The following TMEM135 variants were observed in gnomAD, a reference collection of about 807,000 sequenced individuals.
TMEM135 encodes transmembrane protein 135, also known as peroxisomal membrane protein 52.
TMEM135 carries 30 observed loss-of-function variants against 60.3 expected under a neutral mutation model. The observed-to-expected ratio is 0.50, with a 90% confidence interval of 0.37 to 0.68. The LOEUF (loss-of-function observed/expected upper bound fraction) is 0.68. Ranked by LOEUF, TMEM135 falls within the 30% of genes least tolerant of loss-of-function variation. The pLI is 0.00. For synonymous variants in TMEM135, 190 were observed against 186.7 expected, an observed-to-expected ratio of 1.02 and a Z score of -0.14; for missense variants, 468 against 548.8, an observed-to-expected ratio of 0.85 and a Z score of 1.47.
chr11:87,089,032 T>A (rs73519237), intron 3 of TMEM135, among the ~76,000 whole-genome samples: 14,277 of 152,174 alleles, frequency 0.094, 704 homozygotes, highest in African/African-American at 0.1. Flanking sequence ...TGTATTTAGG[T>A]TGGTGCAAAA....
intron 12 of TMEM135, among the ~76,000 whole-genome samples, chr11:87,314,952 C>G (rs1387621105): frequency 2.0e-5 from 3 of 151,808 alleles, no homozygotes; most frequent in Non-Finnish European, 4.4e-5. Context: ...AACAAATCAA[C>G]AATACCACAG....
chr11:87,327,569 A>G lies in TMEM135; in HGVS notation c.*6236A>G, dbSNP rs970076271. The G allele has an allele frequency of 4.7e-5, 21 of 451,590 alleles. No homozygotes were observed. Among genetic ancestry groups the G allele is most frequent in the African/African-American group, 4.2e-4 (21 of 49,786 alleles). 28.0% of individuals were successfully genotyped at this position (451,590 alleles called of 1,614,324 possible). ...GAGGGATAGAGAGAGACACAGAGAG[A>G]GATATGAGAGGGGATTAAGGGAGTT... On this transcript the variant is annotated 3_prime_UTR_variant, in exon 15 of 15. Transcript: ENST00000305494.
intron 5 of TMEM135, among the ~76,000 whole-genome samples, chr11:87,193,315 A>C (rs534910310): frequency 1.3e-5 from 2 of 152,304 alleles, no homozygotes; most frequent in African/African-American, 4.8e-5. Flanking sequence ...CTTGAAAATT[A>C]TAAGACAAAT....
chr11:87,325,777 T>A lies in TMEM135; in HGVS notation c.*4444T>A. Reference sequence around the variant, plus strand: ...AATTGCACAGATATGGAAGGAGATGTTTCTCTGTATGTGAAGCCTTTAAAT... The same window carrying A: ...AATTGCACAGATATGGAAGGAGATGATTCTCTGTATGTGAAGCCTTTAAAT... On this transcript the variant is annotated 3_prime_UTR_variant, in exon 15 of 15. Coordinates refer to ENST00000305494, the MANE Select transcript of TMEM135 (RefSeq NM_022918.4). 1 of 454,002 alleles carries A rather than the reference T, an allele frequency of 2.2e-6. No homozygotes were observed. Among genetic ancestry groups the A allele is most frequent in the Non-Finnish European group, 4.4e-6 (1 of 226,776 alleles). The allele number at this position is 454,002 out of a possible 1,614,324, so 28.1% of individuals were successfully genotyped here. A position where few individuals can be genotyped will look rare whatever the true frequency, so the allele number is the denominator to read the frequency against.
At chr11:87,065,352 T>C (rs1427294673) in intron 1 of TMEM135, among the ~76,000 whole-genome samples, 1 of 152,226 alleles carries the variant, frequency 6.6e-6, no homozygotes, top group Non-Finnish European at 1.5e-5. Flanking sequence ...CTTCCAACAT[T>C]TGATGTTGTC....
At position 87,323,309 on chromosome 11, in the gene TMEM135, GT is replaced by G. The variant is rs1188760691; in HGVS notation, c.*1977del. On this transcript the variant is annotated 3_prime_UTR_variant, in exon 15 of 15. Transcript: ENST00000305494. ...CATGAAGCAGAATACAATGATGAATGTATAGGTTGAGTGAATAACCAATTTG... is the reference window on the plus strand; with the variant it reads ...CATGAAGCAGAATACAATGATGAATGATAGGTTGAGTGAATAACCAATTTG... The G allele has an allele frequency of 2.2e-6, 1 of 453,872 alleles. No homozygotes were observed. Among genetic ancestry groups the G allele is most frequent in the African/African-American group, 2.0e-5 (1 of 50,000 alleles). 28.1% of individuals were successfully genotyped at this position (453,872 alleles called of 1,614,324 possible). A position where few individuals can be genotyped will look rare whatever the true frequency, so the allele number is the denominator to read the frequency against.
intron 3 of TMEM135, among the ~76,000 whole-genome samples, chr11:87,088,042 T>C (rs1467970801): frequency 6.6e-6 from 1 of 152,146 alleles, no homozygotes; most frequent in Non-Finnish European, 1.5e-5. Flanking sequence ...CTGGTTCAGA[T>C]GAGACTTTTT....
chr11:87,085,139 G>A (rs1030885512), intron 3 of TMEM135, among the ~76,000 whole-genome samples: 1 of 152,188 alleles, frequency 6.6e-6, no homozygotes, highest in Non-Finnish European at 1.5e-5. Context: ...GTCTGATATA[G>A]TACAGTTATA....
intron 6 of TMEM135, among the ~76,000 whole-genome samples, chr11:87,272,566 G>C (rs1941890755): frequency 6.6e-6 from 1 of 152,024 alleles, no homozygotes; most frequent in South Asian, 2.1e-4. Context: ...GCTCAAGTGA[G>C]CTTCCCACCT....
At chr11:87,125,210 G>C (rs553717281) in intron 4 of TMEM135, among the ~76,000 whole-genome samples, 14 of 152,312 alleles carry the variant, frequency 9.2e-5, no homozygotes, top group Admixed American at 6.5e-4. Context: ...TGTGTTTGAG[G>C]CCAGGGCACA....
In TMEM135 at chr11:87,248,442, C is replaced by T. The variant is rs1024779433; in HGVS notation, c.509+11758C>T. Reference sequence around the variant, plus strand: ...CATTGTATTTTTGATTTGCATTTCTCTGATGATCAGTGATGTTGAGCACCT... The same window carrying T: ...CATTGTATTTTTGATTTGCATTTCTTTGATGATCAGTGATGTTGAGCACCT... On this transcript the variant is annotated intron_variant, in intron 6 of 14. Transcript: ENST00000305494. Among the ~76,000 whole-genome samples the T allele has an allele frequency of 2.0e-5, 3 of 152,160 alleles. 1 individual carries two copies. Among genetic ancestry groups the T allele is most frequent in the African/African-American group, 4.8e-5 (2 of 41,434 alleles).
chr11:87,258,164 C>A (rs11235050), intron 6 of TMEM135, among the ~76,000 whole-genome samples: 1 of 149,906 alleles, frequency 6.7e-6, no homozygotes, highest in Non-Finnish European at 1.5e-5. Flanking sequence ...AATTATTTTA[C>A]TGTATTCTGT....
At chr11:87,189,201 C>A (rs1407588642) in intron 5 of TMEM135, among the ~76,000 whole-genome samples, 3 of 132,158 alleles carry the variant, frequency 2.3e-5, no homozygotes, top group Admixed American at 7.6e-5. Context: ...CACTCTGCCT[C>A]CCAGGCTGGA....
chr11:87,230,474 A>G (rs908782498), intron 5 of TMEM135, among the ~76,000 whole-genome samples: 24 of 152,256 alleles, frequency 1.6e-4, no homozygotes, highest in African/African-American at 5.5e-4. Flanking sequence ...TAGTCACACT[A>G]TTAGGCTTTA....
At chr11:87,157,556 C>T (rs563272075) in intron 5 of TMEM135, 150 bp downstream of exon 5, 1 of 629,354 alleles carries the variant, frequency 1.6e-6, no homozygotes, top group African/African-American at 1.8e-5. Context: ...TGAACAAATC[C>T]ATTTTAATTC....
intron 4 of TMEM135, among the ~76,000 whole-genome samples, chr11:87,106,288 G>T (rs1256081113): frequency 6.6e-6 from 1 of 151,990 alleles, no homozygotes; most frequent in Non-Finnish European, 1.5e-5. Flanking sequence ...ATTTTTAGTA[G>T]AGATGGGGTT....
At chr11:87,068,808 C>CAA (rs3045939) in intron 2 of TMEM135, among the ~76,000 whole-genome samples, 22 of 127,926 alleles carry the variant, frequency 1.7e-4, no homozygotes, top group Non-Finnish European at 1.9e-4. Context: ...CAGACTGTCT[C>CAA]AAAAAAAAAA....
At chr11:87,172,740 A>C (rs1188964021) in intron 5 of TMEM135, among the ~76,000 whole-genome samples, 7 of 152,038 alleles carry the variant, frequency 4.6e-5, no homozygotes, top group Admixed American at 2.6e-4. Flanking sequence ...TAAGATAAGT[A>C]TATCTTTATG....
intron 5 of TMEM135, among the ~76,000 whole-genome samples, chr11:87,184,983 A>G (rs1939613993): frequency 6.6e-6 from 1 of 152,182 alleles, no homozygotes; most frequent in Non-Finnish European, 1.5e-5. Context: ...ATACAAAAGT[A>G]AAGAGGATAA....
Sources: allele counts gnomAD v4.1 joint callset (sites outside exome capture counted in the v4.1 genomes callset), GRCh38; gene constraint gnomAD v4.1.1; transcripts MANE v1.5; gene names NCBI Gene and HGNC (gene_info 2026-07-23, HGNC 2026-07-21).